The following CNTN5 variants were observed in gnomAD, a reference collection of about 807,000 sequenced individuals.
CNTN5 encodes contactin 5, also known as contactin-5.
Under a neutral mutation model 129.1 loss-of-function variants are expected in CNTN5, and 77 were observed. The observed-to-expected ratio is 0.60, with a 90% CI of 0.50 to 0.72. The LOEUF (loss-of-function observed/expected upper bound fraction) is 0.72, where lower values mean the gene tolerates loss of function less well. CNTN5 is among the 30% of genes least tolerant of loss of function. CNTN5 has a pLI of 0.00. For missense variants in CNTN5, 1,478 were observed against 1,328.8 expected, an observed-to-expected ratio of 1.11 and a Z score of -1.75; for synonymous variants, 509 against 465.6, an observed-to-expected ratio of 1.09 and a Z score of -1.20.
At chr11:99,233,088 G>A (rs966232776) in intron 1 of CNTN5, among the ~76,000 whole-genome samples, 1 of 152,142 alleles carries the variant, frequency 6.6e-6, no homozygotes, top group African/African-American at 2.4e-5. Flanking sequence ...TTGCTTACCT[G>A]TAGCGGGCCT....
At chr11:99,259,783 T>G (rs545891436) in intron 1 of CNTN5, among the ~76,000 whole-genome samples, 271 of 151,974 alleles carry the variant, frequency 1.8e-3, no homozygotes, top group African/African-American at 6.1e-3. Context: ...TGCTCTGCAC[T>G]TCTGAAAACA....
intron 2 of CNTN5, among the ~76,000 whole-genome samples, chr11:99,538,488 T>C (rs542377231): frequency 6.6e-6 from 1 of 152,184 alleles, no homozygotes; most frequent in Non-Finnish European, 1.5e-5. Context: ...GCGTTATTTT[T>C]ACTGCCGGTT....
At chr11:99,610,965 C>G (rs942254205) in intron 3 of CNTN5, among the ~76,000 whole-genome samples, 1 of 152,122 alleles carries the variant, frequency 6.6e-6, no homozygotes, top group Admixed American at 6.6e-5. Context: ...CGCGTGCACA[C>G]CAAAGCAAAT....
chr11:99,658,602 A>G (rs1952469419), intron 3 of CNTN5, among the ~76,000 whole-genome samples: 1 of 151,820 alleles, frequency 6.6e-6, no homozygotes, highest in Admixed American at 6.6e-5. Context: ...CCTAGCGCAG[A>G]GGCTCATGCC....
intron 2 of CNTN5, among the ~76,000 whole-genome samples, chr11:99,445,471 T>C (rs1250029815): frequency 2.0e-5 from 3 of 152,224 alleles, no homozygotes; most frequent in Non-Finnish European, 4.4e-5. Context: ...AGTTTCTTGA[T>C]TGTGTATCAT....
intron 6 of CNTN5, among the ~76,000 whole-genome samples, chr11:99,889,970 A>G (rs1299474345): frequency 6.6e-6 from 1 of 152,230 alleles, no homozygotes; most frequent in Non-Finnish European, 1.5e-5. Flanking sequence ...CCTCGATAAG[A>G]TCACCTTTTT....
At chr11:99,127,463 G>A (rs1016429296) in intron 1 of CNTN5, among the ~76,000 whole-genome samples, 3 of 152,146 alleles carry the variant, frequency 2.0e-5, no homozygotes, top group African/African-American at 4.8e-5. Context: ...GTTAGCCAGA[G>A]TGAGCCCACT....
At chr11:99,861,237 G>A (rs558921171) in intron 6 of CNTN5, among the ~76,000 whole-genome samples, 2 of 152,246 alleles carry the variant, frequency 1.3e-5, no homozygotes, top group Admixed American at 6.5e-5. Context: ...GATTACAGGC[G>A]TGAGCCACCA....
At chr11:99,211,682 T>A (rs1271920410) in intron 1 of CNTN5, among the ~76,000 whole-genome samples, 1 of 152,084 alleles carries the variant, frequency 6.6e-6, no homozygotes, top group African/African-American at 2.4e-5. Flanking sequence ...TTACCCTTTT[T>A]TCCAGCAGAT....
At chr11:99,608,921 A>G (rs1475572800) in intron 3 of CNTN5, among the ~76,000 whole-genome samples, 1 of 152,184 alleles carries the variant, frequency 6.6e-6, no homozygotes, top group Non-Finnish European at 1.5e-5. Flanking sequence ...CTAGCAATGG[A>G]CATAGACATT....
chr11:99,464,800 T>A (rs1449925952), intron 2 of CNTN5, among the ~76,000 whole-genome samples: 1 of 152,148 alleles, frequency 6.6e-6, no homozygotes, highest in African/African-American at 2.4e-5. Context: ...TGTTATAATA[T>A]GTATATATTT....
chr11:99,783,038 C>A (rs544344020), intron 3 of CNTN5, among the ~76,000 whole-genome samples: 2 of 149,010 alleles, frequency 1.3e-5, no homozygotes, highest in African/African-American at 4.9e-5. Context: ...GAACAGGCAA[C>A]CTACAAAATG....
intron 3 of CNTN5, among the ~76,000 whole-genome samples, chr11:99,622,746 G>A (rs915614140): frequency 6.6e-6 from 1 of 151,854 alleles, no homozygotes; most frequent in Non-Finnish European, 1.5e-5. Flanking sequence ...GAAAAGGCCC[G>A]TTCCCTGGAA....
chr11:100,342,457 C>G (rs150801016), intron 23 of CNTN5, among the ~76,000 whole-genome samples: 200 of 152,182 alleles, frequency 1.3e-3, no homozygotes, highest in African/African-American at 4.6e-3. Context: ...AAGAGAAAAC[C>G]AGATAAACGT....
chr11:100,318,424 C>T (rs187173225), intron 21 of CNTN5, among the ~76,000 whole-genome samples: 6 of 151,900 alleles, frequency 3.9e-5, no homozygotes, highest in African/African-American at 1.5e-4. Flanking sequence ...AGAGCATCCA[C>T]GCAAAAATAT....
intron 2 of CNTN5, among the ~76,000 whole-genome samples, chr11:99,372,688 A>G (rs1241627974): frequency 2.0e-5 from 3 of 152,074 alleles, no homozygotes; most frequent in African/African-American, 4.8e-5. Flanking sequence ...TTTCTTTATT[A>G]TATATCTTGT....
At chr11:99,925,818 A>G (rs1209972668) in intron 7 of CNTN5, among the ~76,000 whole-genome samples, 1 of 152,116 alleles carries the variant, frequency 6.6e-6, no homozygotes, top group African/African-American at 2.4e-5. Flanking sequence ...GACAGATAAG[A>G]TATAAGTAAA....
intron 13 of CNTN5, among the ~76,000 whole-genome samples, chr11:100,182,831 A>T (rs1591364973): frequency 6.6e-6 from 1 of 152,182 alleles, no homozygotes; most frequent in Non-Finnish European, 1.5e-5. Context: ...TTGGAAAAAC[A>T]TTGAGAAATG....
At chr11:99,748,707 G>C (rs1272236721) in intron 3 of CNTN5, among the ~76,000 whole-genome samples, 1 of 152,168 alleles carries the variant, frequency 6.6e-6, no homozygotes, top group Non-Finnish European at 1.5e-5. Flanking sequence ...TTCGAGGACA[G>C]AAAAAGATGA....
Sources: gnomAD v4.1 joint callset for allele counts (sites outside exome capture counted in the v4.1 genomes callset) on GRCh38, gnomAD v4.1.1 for gene constraint, MANE v1.5 for transcripts, NCBI Gene and HGNC (gene_info 2026-07-23, HGNC 2026-07-21) for gene names.